TENT5C: variants seen among roughly 807,000 people sequenced by gnomAD.
TENT5C encodes the protein terminal nucleotidyltransferase 5C.
TENT5C carries 5 observed loss-of-function variants against 22.2 expected under a neutral mutation model. That is an observed-to-expected ratio of 0.22 (90% CI 0.12 to 0.47). TENT5C has a LOEUF of 0.47. Ranked by LOEUF, TENT5C falls within the 20% of genes least tolerant of loss-of-function variation. The probability of loss-of-function intolerance (pLI) is 0.99; values close to 1 mark genes in which losing one functional copy is unlikely to be tolerated. For missense variants in TENT5C, 364 were observed against 500.9 expected (o/e 0.73, Z 2.61); for synonymous variants, 199 against 195.4 (o/e 1.02, Z -0.15).
At chr1:117,622,185 A>G (rs1653907361) in intron 1 of TENT5C, among the ~76,000 whole-genome samples, 2 of 152,228 alleles carry the variant, frequency 1.3e-5, no homozygotes, top group Admixed American at 1.3e-4. Context: ...GACTTCTCCT[A>G]TAAATGAAAG....
At position 117,625,192 on chromosome 1, in the gene TENT5C, C is replaced by T. The variant is rs1653981404; in HGVS notation, c.*1148C>T. 1 of 247,538 alleles carries T rather than the reference C, an allele frequency of 4.0e-6. No individual in the cohort carries two copies. The highest frequency in any genetic ancestry group is 6.0e-5 in the East Asian group (1 of 16,552). 15.3% of individuals were successfully genotyped at this position (247,538 alleles called of 1,614,324 possible). The stretch of plus-strand genomic sequence containing the variant: ...CAGGAATTTCGGTAGAACTGAGTGA[C>T]CTGTGGAACTGCTTTAGAATCTAAC... On this transcript the variant is annotated 3_prime_UTR_variant, in exon 2 of 2. Transcript: ENST00000369448.
intron 1 of TENT5C, among the ~76,000 whole-genome samples, chr1:117,607,128 T>A (rs1388112247): frequency 1.3e-5 from 2 of 152,140 alleles, no homozygotes; most frequent in African/African-American, 4.8e-5. Context: ...CCTGCACACC[T>A]GAACTCAACG....
intron 1 of TENT5C, among the ~76,000 whole-genome samples, chr1:117,608,831 T>C (rs150859047): frequency 5.0e-4 from 76 of 151,844 alleles, no homozygotes; most frequent in African/African-American, 1.8e-3. Flanking sequence ...TGAGTTAAGC[T>C]AAACTTATGT....
rs71766466 is a variant in TENT5C, at chr1:117,627,844, C to CTG, written c.*3819_*3820dup. The CTG allele has an allele frequency of 8.8e-3, 2,088 of 238,214 alleles. 20 individuals carry two copies. The highest frequency in any genetic ancestry group is 0.025 in the African/African-American group (1,115 of 44,306). The allele number at this position is 238,214 out of a possible 1,614,324, so 14.8% of individuals were successfully genotyped here. The stretch of plus-strand genomic sequence containing the variant: ...AAGGTTAAGATCAGGAAATAAAAGA[C>CTG]TGTGTGTGTGTGTGTGTGTGCGTGT... On this transcript the variant is annotated 3_prime_UTR_variant, in exon 2 of 2. Transcript: ENST00000369448.
intron 1 of TENT5C, among the ~76,000 whole-genome samples, chr1:117,609,361 C>T (rs2101072220): frequency 6.6e-6 from 1 of 152,200 alleles, no homozygotes; most frequent in South Asian, 2.1e-4. Context: ...TGTTCTAGAA[C>T]TGTTTGAAAA....
intron 1 of TENT5C, among the ~76,000 whole-genome samples, chr1:117,613,445 C>T (rs952830468): frequency 2.6e-5 from 4 of 152,220 alleles, no homozygotes; most frequent in African/African-American, 9.7e-5. Flanking sequence ...TCTCTCCACC[C>T]ACACTTGCCC....
At position 117,627,216 on chromosome 1, in the gene TENT5C, G is replaced by A. The variant is rs999835290; in HGVS notation, c.*3172G>A. 8.1e-6 allele frequency: 2 copies of A among 248,174 alleles called. No individual in the cohort carries two copies. Among genetic ancestry groups the A allele is most frequent in the African/African-American group, 4.4e-5 (2 of 45,482 alleles). The allele number at this position is 248,174 out of a possible 1,614,324, so 15.4% of individuals were successfully genotyped here. On this transcript the variant is annotated 3_prime_UTR_variant, in exon 2 of 2. Transcript: ENST00000369448. Reference sequence around the variant, plus strand: ...GTTTTTGTCCAGTTTGATTTTCACTGGGGTTTGAGTCACAGCAAGCTGTGT... The same window carrying A: ...GTTTTTGTCCAGTTTGATTTTCACTAGGGTTTGAGTCACAGCAAGCTGTGT...
rs1570865977 is a variant in TENT5C, at chr1:117,625,036, G to T, written c.*992G>T. On this transcript the variant is annotated 3_prime_UTR_variant, in exon 2 of 2. Coordinates refer to ENST00000369448, the MANE Select transcript of TENT5C (RefSeq NM_017709.4). ...ATGTTTTAACTGGAAACCCACTTTG[G>T]TCACATTCCAAGTATGACACAGCTG... The T allele has an allele frequency of 8.1e-6, 2 of 247,586 alleles. No homozygotes were observed. Among genetic ancestry groups the T allele is most frequent in the Non-Finnish European group, 1.7e-5 (2 of 118,056 alleles). 15.3% of individuals were successfully genotyped at this position (247,586 alleles called of 1,614,324 possible).
chr1:117,606,651 G>T (rs1029628475), intron 1 of TENT5C, among the ~76,000 whole-genome samples: 1 of 152,200 alleles, frequency 6.6e-6, no homozygotes, highest in Non-Finnish European at 1.5e-5. Context: ...GGCCCGCCGA[G>T]TGTGAATTCG....
rs927389325 is a variant in TENT5C, at chr1:117,626,477, G to C, written c.*2433G>C. Reference sequence around the variant, plus strand: ...GAATAGACCTATTCAAGAGCTATCAGGGTTAAAAGCTGCACTGACCAAAGC... The same window carrying C: ...GAATAGACCTATTCAAGAGCTATCACGGTTAAAAGCTGCACTGACCAAAGC... On this transcript the variant is annotated 3_prime_UTR_variant, in exon 2 of 2. Coordinates refer to ENST00000369448, the MANE Select transcript of TENT5C (RefSeq NM_017709.4). 2 of 247,836 alleles carry C rather than the reference G, an allele frequency of 8.1e-6. No homozygotes were observed. Among genetic ancestry groups the C allele is most frequent in the African/African-American group, 2.2e-5 (1 of 45,314 alleles). 15.4% of individuals were successfully genotyped at this position (247,836 alleles called of 1,614,324 possible).
At chr1:117,611,737 C>G (rs1348170709) in intron 1 of TENT5C, among the ~76,000 whole-genome samples, 1 of 152,046 alleles carries the variant, frequency 6.6e-6, no homozygotes, top group Non-Finnish European at 1.5e-5. Flanking sequence ...GTACCAGCTA[C>G]TCAGGAGGCT....
At chr1:117,614,016 G>A (rs1653724210) in intron 1 of TENT5C, among the ~76,000 whole-genome samples, 1 of 152,206 alleles carries the variant, frequency 6.6e-6, no homozygotes, top group South Asian at 2.1e-4. Flanking sequence ...TGTTTTTATT[G>A]CTTCAGGCCA....
At chr1:117,619,766 T>G (rs1420507332) in intron 1 of TENT5C, among the ~76,000 whole-genome samples, 1 of 152,186 alleles carries the variant, frequency 6.6e-6, no homozygotes, top group Admixed American at 6.5e-5. Context: ...CATCCAGATG[T>G]TTTTCTTCAC....
rs1198923313 is a variant in TENT5C, at chr1:117,623,488, AC to A, written c.624del (p.Thr209ProfsTer2). 6.2e-7 allele frequency: 1 copy of A among 1,613,584 alleles called. No homozygotes were observed. Among genetic ancestry groups the A allele is most frequent in the East Asian group, 2.2e-5 (1 of 44,846 alleles). ...AATAATCCCATCTCTGAGCACTTCC[AC>A]CCCACCGTGATTGGGGAGAGCATGT... Reference protein sequence around the residue: ...CSNNPISEHFHPTVIGESMYG... With the variant: ...CSNNPISEHFXPTVIGESMYG... On this transcript the variant is annotated frameshift_variant, in exon 2 of 2. Transcript: ENST00000369448. LOFTEE classifies it high-confidence loss of function.
At chr1:117,610,528 T>C (rs897924633) in intron 1 of TENT5C, among the ~76,000 whole-genome samples, 1 of 152,156 alleles carries the variant, frequency 6.6e-6, no homozygotes, top group African/African-American at 2.4e-5. Context: ...ATTAATACTT[T>C]GTTGTTGTTT....
At position 117,625,373 on chromosome 1, in the gene TENT5C, T is replaced by C. The variant is rs1228452785; in HGVS notation, c.*1329T>C. The stretch of plus-strand genomic sequence containing the variant: ...ATGCTCTTCCTTATTCTGGTAGATT[T>C]GACTTGTTTATAATTCTGCACTTTA... On this transcript the variant is annotated 3_prime_UTR_variant, in exon 2 of 2. Coordinates refer to ENST00000369448, the MANE Select transcript of TENT5C (RefSeq NM_017709.4). 4.0e-6 allele frequency: 1 copy of C among 248,092 alleles called. No homozygotes were observed. Among genetic ancestry groups the C allele is most frequent in the Non-Finnish European group, 8.5e-6 (1 of 118,144 alleles). The allele number at this position is 248,092 out of a possible 1,614,324, so 15.4% of individuals were successfully genotyped here. A position where few individuals can be genotyped will look rare whatever the true frequency, so the allele number is the denominator to read the frequency against.
At chr1:117,622,081 A>T (rs10801974) in intron 1 of TENT5C, among the ~76,000 whole-genome samples, 8,022 of 152,302 alleles carry the variant, frequency 0.053, 296 homozygotes, top group East Asian at 0.14. Flanking sequence ...GAGTGGTTCC[A>T]CTACATAGGT....
chr1:117,616,610 G>C (rs1279487976), intron 1 of TENT5C, among the ~76,000 whole-genome samples: 1 of 152,186 alleles, frequency 6.6e-6, no homozygotes, highest in Non-Finnish European at 1.5e-5. Flanking sequence ...CACCAGGCTT[G>C]GCGCATTGCC....
rs772744645 is a variant in TENT5C, at chr1:117,623,277, G to A, written c.409G>A (p.Ala137Thr). The A allele has an allele frequency of 1.2e-6, 2 of 1,614,190 alleles. No individual in the cohort carries two copies. The highest frequency in any genetic ancestry group is 2.2e-5 in the South Asian group (2 of 91,082). Residue 137 changes from alanine (A) to threonine (T), a missense_variant, in exon 2 of 2, where the codon GCA becomes ACA. By Grantham distance (58) the Ala-to-Thr change is moderately conservative. This residue lies in a region of TENT5C where 303 missense variants were observed against 394.5 expected (regional missense o/e 0.77). Transcript: ENST00000369448. ...AATCAGTCCAGTCACTCTGAAGGAG[G>A]CATATGTGCAGAAGCTAGTGAAGGT... is the stretch of plus-strand genomic sequence containing the variant. ...LKISPVTLKE[A>T]YVQKLVKVCT...
Sources: gnomAD v4.1 joint callset for allele counts (sites outside exome capture counted in the v4.1 genomes callset) on GRCh38, gnomAD v4.1.1 for gene constraint, gnomAD v4.1.1 regional missense constraint, MANE v1.5 for transcripts, NCBI Gene and HGNC (gene_info 2026-07-23, HGNC 2026-07-21) for gene names.